OPA3: variants seen among roughly 807,000 people sequenced by gnomAD.
The protein encoded by OPA3 is outer mitochondrial membrane lipid metabolism regulator OPA3.
In OPA3, 6 loss-of-function variants were observed where a neutral mutation model predicts 4.0. The ratio of observed to expected loss-of-function variants is 1.51; its 90% CI spans 0.83 to 2.99. The LOEUF is 2.99. Among genes scored for constraint, OPA3 ranks in the 30% most tolerant of loss-of-function variants. The pLI is 0.00. For missense variants in OPA3, 235 were observed against 256.2 expected (o/e 0.92, Z 0.56); for synonymous variants, 105 against 117.1 (o/e 0.90, Z 0.67).
At position 45,553,506 on chromosome 19, in the gene OPA3, G is replaced by T. The variant is rs1969368449; in HGVS notation, c.*8C>A. 1 of 1,612,808 alleles carries T rather than the reference G, an allele frequency of 6.2e-7. No homozygotes were observed. Among genetic ancestry groups the T allele is most frequent in the East Asian group, 2.2e-5 (1 of 44,882 alleles). ...CATGTCCAAATTCAGGTTCCATCCAGCAAGCTCCTATTTCTTGGACGCAGG... is the reference window on the plus strand; with the variant it reads ...CATGTCCAAATTCAGGTTCCATCCATCAAGCTCCTATTTCTTGGACGCAGG... On this transcript the variant is annotated 3_prime_UTR_variant, in exon 2 of 2. Transcript: ENST00000263275.
intron 1 of OPA3, among the ~76,000 whole-genome samples, chr19:45,580,293 C>CTTT (rs539421587): frequency 8.2e-6 from 1 of 121,784 alleles, no homozygotes; most frequent in Non-Finnish European, 1.7e-5. Flanking sequence ...TGCACCCGGC[C>CTTT]TTTTTTTTTT....
chr19:45,551,678 G>A lies in OPA3; in HGVS notation c.*1836C>T, dbSNP rs74717111. 16,895 of 981,372 alleles carry A rather than the reference G, an allele frequency of 0.017. 168 individuals carry two copies. The highest frequency in any genetic ancestry group is 0.019 in the Non-Finnish European group (15,821 of 826,230). The allele number at this position is 981,372 out of a possible 1,614,324, so 60.8% of individuals were successfully genotyped here. On this transcript the variant is annotated 3_prime_UTR_variant, in exon 2 of 2. Coordinates refer to ENST00000263275, the MANE Select transcript of OPA3 (RefSeq NM_025136.4). ...CACCCAATGGTGATCTGTTATGGCA[G>A]TCCAAGGAAATTAATCAAGCAGTTA...
intron 1 of OPA3, among the ~76,000 whole-genome samples, chr19:45,557,162 G>A (rs1358659459): frequency 1.3e-5 from 2 of 152,342 alleles, no homozygotes; most frequent in East Asian, 3.9e-4. Context: ...TCTCAGTGCA[G>A]ACCAAGCATG....
chr19:45,566,022 T>C (rs1286544006), intron 1 of OPA3, among the ~76,000 whole-genome samples: 4 of 152,188 alleles, frequency 2.6e-5, no homozygotes, highest in Admixed American at 2.6e-4. Context: ...ATGTCACTGA[T>C]GACCACAGAT....
rs373612103 is a variant in OPA3 at position 45,576,814 on chromosome 19, C to T, written c.142+7809G>A. On this transcript the variant is annotated intron_variant, in intron 1 of 1. Coordinates refer to ENST00000263275, the MANE Select transcript of OPA3 (RefSeq NM_025136.4). ...TGACCTGACCTGCATAATTCAGGATCATCTCCCCATCCCCAAATCCTTCAT... is the reference window on the plus strand; with the variant it reads ...TGACCTGACCTGCATAATTCAGGATTATCTCCCCATCCCCAAATCCTTCAT... Among the ~76,000 whole-genome samples, 36 of 152,316 alleles carry T rather than the reference C, an allele frequency of 2.4e-4. No homozygotes were observed. The East Asian group carries it at 4.1e-3, about 17-fold the overall frequency.
Position 45,553,173 on chromosome 19 carries a change from T to A in OPA3, c.*341A>T. ...TAACACTGATCAGGTAAACCGGGGG[T>A]GGGGGTAACAATAACACATTGATTC... On this transcript the variant is annotated 3_prime_UTR_variant, in exon 2 of 2. Transcript: ENST00000263275. The A allele has an allele frequency of 1.6e-6, 2 of 1,255,294 alleles. No homozygotes were observed. The highest frequency in any genetic ancestry group is 2.0e-6 in the Non-Finnish European group (2 of 990,356). 77.8% of individuals were successfully genotyped at this position (1,255,294 alleles called of 1,614,324 possible).
chr19:45,583,560 G>A (rs1007634544), intron 1 of OPA3, among the ~76,000 whole-genome samples: 7 of 152,022 alleles, frequency 4.6e-5, no homozygotes, highest in African/African-American at 1.7e-4. Flanking sequence ...GGAGTGCAAT[G>A]GCACAATCTA....
Position 45,550,167 on chromosome 19 carries a change from A to AAG in OPA3, c.*3346_*3347insCT. 1 of 977,510 alleles carries AAG rather than the reference A, an allele frequency of 1.0e-6. No individual in the cohort carries two copies. Among genetic ancestry groups the AAG allele is most frequent in the Non-Finnish European group, 1.2e-6 (1 of 822,762 alleles). The allele number at this position is 977,510 out of a possible 1,614,324, so 60.6% of individuals were successfully genotyped here. On this transcript the variant is annotated 3_prime_UTR_variant, in exon 2 of 2. Coordinates refer to ENST00000263275, the MANE Select transcript of OPA3 (RefSeq NM_025136.4). ...GCTAGACTGTCTCCGAAAGAAAAGA[A>AAG]AAGAAAAAAGAAGAGAAAAGAAGAA...
At chr19:45,579,921 A>C (rs996273202) in intron 1 of OPA3, among the ~76,000 whole-genome samples, 1 of 151,988 alleles carries the variant, frequency 6.6e-6, no homozygotes, top group Admixed American at 6.6e-5. Context: ...TAAATGACGT[A>C]CCCAAAGTCA....
chr19:45,558,108 C>T (rs1969447866), intron 1 of OPA3, among the ~76,000 whole-genome samples: 1 of 151,998 alleles, frequency 6.6e-6, no homozygotes, highest in South Asian at 2.1e-4. Context: ...CTGAGACAGG[C>T]AGATCATGAG....
In OPA3 at chr19:45,553,821, T is replaced by C. The variant is rs1969379386; in HGVS notation, c.233A>G (p.Glu78Gly). The C allele has an allele frequency of 6.2e-7, 1 of 1,613,162 alleles. No individual in the cohort carries two copies. Among genetic ancestry groups the C allele is most frequent in the Admixed American group, 1.7e-5 (1 of 59,962 alleles). Residue 78 changes from glutamate (E) to glycine (G), a missense_variant, in exon 2 of 2, where the codon GAG becomes GGG. Transcript: ENST00000263275. ...IKPLNEEAAA[E>G]LGAELLGEAT... is the part of the protein sequence containing the mutation. ...TTCGCCCAGCAGCTCTGCGCCCAGCTCAGCTGCCGCCTCCTCGTTCAGCGG... is the reference window on the plus strand; with the variant it reads ...TTCGCCCAGCAGCTCTGCGCCCAGCCCAGCTGCCGCCTCCTCGTTCAGCGG...
At chr19:45,572,758 GAT>G (rs1193087403) in intron 1 of OPA3, among the ~76,000 whole-genome samples, 1 of 116,626 alleles carries the variant, frequency 8.6e-6, no homozygotes, top group Non-Finnish European at 1.7e-5. Flanking sequence ...TATATATCTC[GAT>G]ATATATCTAT....
At chr19:45,573,208 T>C (rs1172576865) in intron 1 of OPA3, among the ~76,000 whole-genome samples, 2 of 152,060 alleles carry the variant, frequency 1.3e-5, no homozygotes, top group Admixed American at 6.6e-5. Flanking sequence ...CCCCACAGCA[T>C]AGTCCCCATC....
chr19:45,576,168 AG>A (rs1969764085), intron 1 of OPA3, among the ~76,000 whole-genome samples: 1 of 152,072 alleles, frequency 6.6e-6, no homozygotes, highest in Non-Finnish European at 1.5e-5. Flanking sequence ...GGTTGCAGGG[AG>A]CTGAGATCAT....
chr19:45,551,902 C>T lies in OPA3; in HGVS notation c.*1612G>A, dbSNP rs1445341673. 3 of 985,408 alleles carry T rather than the reference C, an allele frequency of 3.0e-6. No homozygotes were observed. Among genetic ancestry groups the T allele is most frequent in the Non-Finnish European group, 3.6e-6 (3 of 830,058 alleles). 61.0% of individuals were successfully genotyped at this position (985,408 alleles called of 1,614,324 possible). On this transcript the variant is annotated 3_prime_UTR_variant, in exon 2 of 2. Transcript: ENST00000263275. ...TCCATGGGCTTGGATTCGACTGGGTCCCTGAGAAATGCTACTGAGCAAGGT... is the reference window on the plus strand; with the variant it reads ...TCCATGGGCTTGGATTCGACTGGGTTCCTGAGAAATGCTACTGAGCAAGGT...
At chr19:45,568,872 T>TGCC in intron 1 of OPA3, among the ~76,000 whole-genome samples, 1 of 152,244 alleles carries the variant, frequency 6.6e-6, no homozygotes, top group East Asian at 1.9e-4. Flanking sequence ...CACCCCTCTG[T>TGCC]GCCCTGGGGT....
chr19:45,528,937 G>A, exon 2 of OPA3: 2 of 1,268,208 alleles, frequency 1.6e-6, no homozygotes, highest in South Asian at 1.4e-5. Context: ...CGGCGCCCCC[G>A]AAGGACTGGG....
chr19:45,582,014 G>T (rs539300515), intron 1 of OPA3, among the ~76,000 whole-genome samples: 1 of 152,170 alleles, frequency 6.6e-6, no homozygotes, highest in East Asian at 1.9e-4. Context: ...GGTCAGGCTG[G>T]TCTCGAACTC....
At chr19:45,581,965 A>G (rs1002790815) in intron 1 of OPA3, among the ~76,000 whole-genome samples, 1 of 151,762 alleles carries the variant, frequency 6.6e-6, no homozygotes, top group Admixed American at 6.6e-5. Flanking sequence ...CACCCAGCTA[A>G]TTTTTGTATT....
Sources: allele counts gnomAD v4.1 joint callset (sites outside exome capture counted in the v4.1 genomes callset), GRCh38; gene constraint gnomAD v4.1.1; transcripts MANE v1.5; gene names NCBI Gene and HGNC (gene_info 2026-07-23, HGNC 2026-07-21).